Variants in H2BC5 observed in about 807,000 individuals in gnomAD.
The protein encoded by H2BC5 is H2B clustered histone 5.
Under a neutral mutation model 5.7 loss-of-function variants are expected in H2BC5, and 9 were observed. That is an observed-to-expected ratio of 1.57 (90% CI 0.95 to 2.74). H2BC5 has a LOEUF of 2.74. H2BC5 is among the 30% of genes most tolerant of loss of function. The pLI is 0.00. For missense variants in H2BC5, 175 were observed against 168.8 expected (o/e 1.04, Z -0.20); for synonymous variants, 133 against 70.9 (o/e 1.88, Z -4.40).
At chr6:26,161,488 G>A (rs1207835741), downstream of H2BC5, among the ~76,000 whole-genome samples, 1 of 152,072 alleles carries the variant, frequency 6.6e-6, no homozygotes, top group African/African-American at 2.4e-5. Flanking sequence ...CCTGGAATTA[G>A]GGCTGGGCAA....
At chr6:26,171,111 G>A (rs1764508487) in exon 2 of H2BC5, 1 of 152,142 alleles carries the variant, frequency 6.6e-6, no homozygotes, top group South Asian at 2.1e-4. Context: ...ATCCTGGTTT[G>A]CTGCACACTG....
downstream of H2BC5, among the ~76,000 whole-genome samples, chr6:26,159,243 G>GTTTTTTT (rs35999697): frequency 1.3e-3 from 80 of 61,424 alleles, 3 homozygotes; most frequent in African/African-American, 3.9e-3. Flanking sequence ...TAATTTATAG[G>GTTTTTTT]TTTTTTTTTT....
At chr6:26,164,029 A>G (rs1283118784) in intron 1 of H2BC5, 1 of 438,754 alleles carries the variant, frequency 2.3e-6, no homozygotes, top group Non-Finnish European at 4.6e-6. Context: ...GAATAGTAAA[A>G]GAACTTATTG....
Position 26,158,355 on chromosome 6 carries a change from C to T in H2BC5, c.186C>T (p.Ile62=), listed in dbSNP as rs370013454. ...DTGISSKAMG[I]MNSFVNDIFE... Reference sequence around the variant, plus strand: ...GCATCTCTTCCAAGGCAATGGGGATCATGAATTCCTTCGTCAACGACATCT... The same window carrying T: ...GCATCTCTTCCAAGGCAATGGGGATTATGAATTCCTTCGTCAACGACATCT... Residue 62 remains isoleucine (I), a synonymous_variant, in exon 1 of 1, where the codon ATC becomes ATT. Transcript: ENST00000377777. 76 of 1,614,170 alleles carry T rather than the reference C, an allele frequency of 4.7e-5. No homozygotes were observed. The highest frequency in any genetic ancestry group is 1.2e-4 in the Admixed American group (7 of 60,014).
At chr6:26,160,155 A>G (rs1362813109), downstream of H2BC5, among the ~76,000 whole-genome samples, 1 of 152,184 alleles carries the variant, frequency 6.6e-6, no homozygotes, top group Non-Finnish European at 1.5e-5. Flanking sequence ...ATCGATGCTT[A>G]CTTGTTCCTG....
chr6:26,170,950 A>C (rs1272886587), intron 1 of H2BC5: 1 of 152,220 alleles, frequency 6.6e-6, no homozygotes, highest in Non-Finnish European at 1.5e-5. Context: ...CCTAATAACT[A>C]AACCCTTCTT....
In H2BC5 at chr6:26,158,325, C is replaced by T. The variant is rs769513470; in HGVS notation, c.156C>T (p.Asp52=). Residue 52 remains aspartate, a synonymous_variant, in exon 1 of 1, where the codon GAC becomes GAT. Transcript: ENST00000377777. ...AGGTGCTGAAGCAGGTCCATCCCGA[C>T]ACCGGCATCTCTTCCAAGGCAATGG... ...VYKVLKQVHP[D]TGISSKAMGI... The T allele has an allele frequency of 3.1e-6, 5 of 1,614,160 alleles. No homozygotes were observed. Among genetic ancestry groups the T allele is most frequent in the East Asian group, 4.5e-5 (2 of 44,902 alleles).
chr6:26,160,006 A>G (rs1371920113), downstream of H2BC5, among the ~76,000 whole-genome samples: 2 of 152,154 alleles, frequency 1.3e-5, no homozygotes, highest in African/African-American at 4.8e-5. Flanking sequence ...GAGACACCAG[A>G]CCTAAATCTG....
chr6:26,158,273 A>G lies in H2BC5; in HGVS notation c.104A>G (p.Lys35Arg). The change falls in exon 1 of 1, where the codon AAG becomes AGG. Residue 35 changes from lysine to arginine, a missense_variant. Physicochemically the swap from Lys to Arg is conservative, Grantham distance 26. This residue lies in a region of H2BC5 where 119 missense variants were observed against 85.6 expected (regional missense o/e 1.39). Coordinates refer to ENST00000377777, the MANE Select transcript of H2BC5 (RefSeq NM_021063.4). ...GGGAAGAAGCGCAAGCGCAGCCGCA[A>G]GGAGAGCTATTCAGTGTATGTGTAC... ...KDGKKRKRSR[K>R]ESYSVYVYKV... The G allele has an allele frequency of 1.2e-6, 2 of 1,614,274 alleles. No homozygotes were observed. The highest frequency in any genetic ancestry group is 1.7e-6 in the Non-Finnish European group (2 of 1,180,060).
At chr6:26,166,082 G>A (rs912352531) in intron 1 of H2BC5, among the ~76,000 whole-genome samples, 32 of 152,198 alleles carry the variant, frequency 2.1e-4, no homozygotes, top group African/African-American at 7.7e-4. Flanking sequence ...GCAACACAGA[G>A]GAGTTTGGTG....
At chr6:26,160,012 A>G (rs1764327208), downstream of H2BC5, among the ~76,000 whole-genome samples, 1 of 152,198 alleles carries the variant, frequency 6.6e-6, no homozygotes, top group African/African-American at 2.4e-5. Context: ...CCAGACCTAA[A>G]TCTGTCATCT....
chr6:26,158,146 A>T lies in H2BC5; in HGVS notation c.-24A>T. On this transcript the variant is annotated 5_prime_UTR_variant, in exon 1 of 1. Transcript: ENST00000377777. ...GATTATTTTCTCAGGTGTTTGCAAC[A>T]GTGTTCTAACTATTAACGCTACGAT... The T allele has an allele frequency of 6.2e-7, 1 of 1,600,438 alleles. No individual in the cohort carries two copies. The highest frequency in any genetic ancestry group is 1.1e-5 in the South Asian group (1 of 89,378).
chr6:26,167,032 TC>T (rs1169994743), intron 1 of H2BC5, among the ~76,000 whole-genome samples: 1 of 147,416 alleles, frequency 6.8e-6, no homozygotes, highest in African/African-American at 2.5e-5. Context: ...TTCTTTTCTT[TC>T]TTTTTTTTGT....
At chr6:26,163,432 G>T (rs1764378487), downstream of H2BC5, 2 of 152,098 alleles carry the variant, frequency 1.3e-5, no homozygotes, top group Admixed American at 1.3e-4. Context: ...TGTGAGTCGG[G>T]AATCCAGAAG....
At chr6:26,166,885 G>C (rs191668974) in intron 1 of H2BC5, among the ~76,000 whole-genome samples, 2,249 of 151,484 alleles carry the variant, frequency 0.015, 29 homozygotes, top group Middle Eastern at 0.038. Context: ...ACTTTTAGTA[G>C]AGATGGGGTT....
chr6:26,166,383 A>G (rs1296505277), intron 1 of H2BC5, among the ~76,000 whole-genome samples: 2 of 152,102 alleles, frequency 1.3e-5, no homozygotes, highest in African/African-American at 4.8e-5. Context: ...TCTGCATCAT[A>G]CCAGATACTG....
chr6:26,159,503 CAA>C (rs990220479), downstream of H2BC5, among the ~76,000 whole-genome samples: 1 of 151,932 alleles, frequency 6.6e-6, no homozygotes, highest in African/African-American at 2.4e-5. Context: ...AGGATGATGA[CAA>C]AAGGTTTTCA....
intron 1 of H2BC5, among the ~76,000 whole-genome samples, chr6:26,166,651 A>G (rs183938249): frequency 6.7e-6 from 1 of 148,262 alleles, no homozygotes; most frequent in African/African-American, 2.5e-5. Context: ...TCATCTCAAC[A>G]TAGATTGGTG....
At chr6:26,162,684 A>G (rs1764369885), downstream of H2BC5, among the ~76,000 whole-genome samples, 1 of 151,970 alleles carries the variant, frequency 6.6e-6, no homozygotes, top group African/African-American at 2.4e-5. Context: ...TTACAGGCGC[A>G]CACCACCGCA....
Sources: gnomAD v4.1 joint callset for allele counts (sites outside exome capture counted in the v4.1 genomes callset) on GRCh38, gnomAD v4.1.1 for gene constraint, gnomAD v4.1.1 regional missense constraint, MANE v1.5 for transcripts, NCBI Gene and HGNC (gene_info 2026-07-23, HGNC 2026-07-21) for gene names.